MCTP2: variants seen among roughly 807,000 people sequenced by gnomAD.
MCTP2 encodes multiple C2 and transmembrane domain containing 2, also known as multiple C2 and transmembrane domain-containing protein 2.
In MCTP2, 132 loss-of-function variants were observed where a neutral mutation model predicts 111.6. The observed-to-expected ratio is 1.18, with a 90% CI of 1.03 to 1.37. The LOEUF (loss-of-function observed/expected upper bound fraction) is 1.37. MCTP2 is among the 40% of genes most tolerant of loss of function. The pLI is 0.00. For synonymous variants in MCTP2, 395 were observed against 387.7 expected (o/e 1.02, Z -0.22); for missense variants, 1,183 against 1,067.9 (o/e 1.11, Z -1.50).
At chr15:94,453,652 C>G (rs1172254491) in intron 19 of MCTP2, among the ~76,000 whole-genome samples, 4 of 152,128 alleles carry the variant, frequency 2.6e-5, no homozygotes, top group African/African-American at 9.7e-5. Context: ...GTGCACTTAT[C>G]TTTTTTACTT....
chr15:94,243,926 CATATGTGT>C (rs2071409125), intron 1 of MCTP2, among the ~76,000 whole-genome samples: 2 of 141,370 alleles, frequency 1.4e-5, no homozygotes, highest in African/African-American at 5.2e-5. Context: ...TATATTTACA[CATATGTGT>C]ACACATACAT....
At chr15:94,425,003 A>G (rs2082813757) in intron 17 of MCTP2, among the ~76,000 whole-genome samples, 1 of 152,000 alleles carries the variant, frequency 6.6e-6, no homozygotes, top group African/African-American at 2.4e-5. Flanking sequence ...TTTGATGAAC[A>G]TAATCTTTAA....
chr15:94,338,442 A>G (rs1389100206), intron 4 of MCTP2, among the ~76,000 whole-genome samples: 1 of 151,420 alleles, frequency 6.6e-6, no homozygotes, highest in Non-Finnish European at 1.5e-5. Context: ...ACGCACATGC[A>G]TGTAACACAC....
At chr15:94,315,667 A>T in intron 4 of MCTP2, 30 bp downstream of exon 4, 2 of 1,510,622 alleles carry the variant, frequency 1.3e-6, no homozygotes. Flanking sequence ...TGGTGGGTGT[A>T]GCCTGGAAAC....
intron 1 of MCTP2, among the ~76,000 whole-genome samples, chr15:94,245,405 TATATTTATATACATGTGTGTA>T (rs2071823316): frequency 1.9e-5 from 1 of 53,234 alleles, no homozygotes; most frequent in Non-Finnish European, 4.7e-5. Context: ...CATGTGTGTA[TATATTTATATACATGTGTGTA>T]TATATTTATA....
chr15:94,466,587 A>G (rs1049463354), intron 20 of MCTP2, among the ~76,000 whole-genome samples: 1 of 151,980 alleles, frequency 6.6e-6, no homozygotes, highest in South Asian at 2.1e-4. Flanking sequence ...GCTTTATGCA[A>G]TGGTCTCATA....
chr15:94,285,456 C>T (rs1235229630), intron 1 of MCTP2, among the ~76,000 whole-genome samples: 2 of 152,200 alleles, frequency 1.3e-5, no homozygotes, highest in Non-Finnish European at 2.9e-5. Context: ...ACCTTGCAGG[C>T]AGACCTTTAA....
intron 11 of MCTP2, among the ~76,000 whole-genome samples, chr15:94,369,759 A>G (rs1181730511): frequency 2.0e-5 from 3 of 152,156 alleles, no homozygotes; most frequent in African/African-American, 7.2e-5. Flanking sequence ...AAGAAGGGGG[A>G]AAAAGAGCAT....
chr15:94,274,429 TAATA>T (rs144430953), intron 1 of MCTP2, among the ~76,000 whole-genome samples: 4,011 of 152,144 alleles, frequency 0.026, 169 homozygotes, highest in African/African-American at 0.089. Flanking sequence ...AAACCAAAAT[TAATA>T]AATAAAATCA....
At chr15:94,419,672 C>G (rs1038908704) in intron 17 of MCTP2, among the ~76,000 whole-genome samples, 1 of 151,966 alleles carries the variant, frequency 6.6e-6, no homozygotes. Context: ...CATAGTTGCC[C>G]TATGTATCTT....
At chr15:94,438,325 A>G (rs1408130302) in intron 17 of MCTP2, among the ~76,000 whole-genome samples, 1 of 152,134 alleles carries the variant, frequency 6.6e-6, no homozygotes, top group East Asian at 1.9e-4. Flanking sequence ...TATTACTAAT[A>G]TATACCTAAG....
At chr15:94,276,029 A>G (rs536593375) in intron 1 of MCTP2, among the ~76,000 whole-genome samples, 1 of 152,058 alleles carries the variant, frequency 6.6e-6, no homozygotes, top group Non-Finnish European at 1.5e-5. Flanking sequence ...TATTTTTAGT[A>G]GAGATGGGAT....
intron 4 of MCTP2, among the ~76,000 whole-genome samples, chr15:94,319,048 T>TC (rs1376579496): frequency 1.3e-5 from 2 of 152,044 alleles, no homozygotes; most frequent in Admixed American, 6.5e-5. Flanking sequence ...TTTTTTTTTT[T>TC]TTCTTTCATT....
In MCTP2 at chr15:94,370,071, C is replaced by G; in HGVS notation, c.1489-16C>G. The G allele has an allele frequency of 6.3e-7, 1 of 1,591,734 alleles. No homozygotes were observed. Among genetic ancestry groups the G allele is most frequent in the Non-Finnish European group, 8.6e-7 (1 of 1,167,352 alleles). On this transcript the variant is annotated splice_polypyrimidine_tract_variant and intron_variant, in intron 11 of 22. Coordinates refer to ENST00000357742, the MANE Select transcript of MCTP2 (RefSeq NM_001385001.1). ...TAAAAAGCTGTTTTCACTTGTATCACCTTTTCAACCCTCAGTGCTTACAGA... is the reference window on the plus strand; with the variant it reads ...TAAAAAGCTGTTTTCACTTGTATCAGCTTTTCAACCCTCAGTGCTTACAGA...
At chr15:94,298,782 T>TCTC in intron 2 of MCTP2, 52 bp downstream of exon 2, 1 of 1,094,814 alleles carries the variant, frequency 9.1e-7, no homozygotes, top group South Asian at 1.6e-5. Flanking sequence ...CTCTCTCTCT[T>TCTC]TCCCTCTCTT....
rs535925114 is a variant in MCTP2, at chr15:94,251,841, C to G, written c.-66+20177C>G. On this transcript the variant is annotated intron_variant, in intron 1 of 22. Transcript: ENST00000357742. ...GCCATCATTCTACTTTCTGTCTCCACGAATTTGACTACTTTAAGTAGCTCC... is the reference window on the plus strand; with the variant it reads ...GCCATCATTCTACTTTCTGTCTCCAGGAATTTGACTACTTTAAGTAGCTCC... Among the ~76,000 whole-genome samples the G allele has an allele frequency of 6.6e-5, 10 of 152,260 alleles. No individual in the cohort carries two copies. In the East Asian group the frequency reaches 1.4e-3, roughly 21 times the overall value.
rs551061570 is a variant in MCTP2 at position 94,279,755 on chromosome 15, G to C, written c.-65-18446G>C. The stretch of plus-strand genomic sequence containing the variant: ...CTATGATGCTGGCTGTGGGTTTGCT[G>C]CTCTCTTTTTATTTATTATGTTCCT... On this transcript the variant is annotated intron_variant, in intron 1 of 22. Transcript: ENST00000357742. Among the ~76,000 whole-genome samples, 3 of 151,544 alleles carry C rather than the reference G, an allele frequency of 2.0e-5. No homozygotes were observed. In the South Asian group the frequency reaches 6.3e-4, roughly 32 times the overall value.
At chr15:94,293,443 G>A (rs1245717225) in intron 1 of MCTP2, among the ~76,000 whole-genome samples, 1 of 152,206 alleles carries the variant, frequency 6.6e-6, no homozygotes, top group Non-Finnish European at 1.5e-5. Context: ...GAAATGCATA[G>A]AAAGGTTTTC....
chr15:94,298,179 G>GT, intron 1 of MCTP2, 22 bp from the exon 2 acceptor site: 1 of 908,288 alleles, frequency 1.1e-6, no homozygotes, highest in South Asian at 2.5e-5. Flanking sequence ...TTTGTTTTTT[G>GT]TTGTTTTTTT....
Sources: allele counts gnomAD v4.1 joint callset (sites outside exome capture counted in the v4.1 genomes callset), GRCh38; gene constraint gnomAD v4.1.1; transcripts MANE v1.5; gene names NCBI Gene and HGNC (gene_info 2026-07-23, HGNC 2026-07-21).